Variants in CHD6 observed in about 807,000 individuals in gnomAD.
The protein encoded by CHD6 is chromodomain helicase DNA binding protein 6.
Under a neutral mutation model 276.9 loss-of-function variants are expected in CHD6, and 50 were observed. The observed-to-expected ratio is 0.18, with a 90% CI of 0.14 to 0.23. The LOEUF (loss-of-function observed/expected upper bound fraction) is 0.23, where lower values mean the gene tolerates loss of function less well. CHD6 is among the 10% of genes least tolerant of loss of function. The probability of loss-of-function intolerance (pLI) is 1.00; values close to 1 mark genes in which losing one functional copy is unlikely to be tolerated. For missense variants in CHD6, 2,564 were observed against 3,365.8 expected (o/e 0.76, Z 5.89); for synonymous variants, 1,173 against 1,229.3 (o/e 0.95, Z 0.96).
intron 36 of CHD6, 21 bp from the exon 37 acceptor site, chr20:41,405,510 A>G: frequency 6.5e-7 from 1 of 1,534,862 alleles, no homozygotes; most frequent in South Asian, 1.3e-5. Flanking sequence ...AAAGAAACAC[A>G]AAATGCTGAA....
In CHD6 at chr20:41,455,788, A is replaced by G. The variant is rs550179479; in HGVS notation, c.3009+12T>C. On this transcript the variant is annotated intron_variant, in intron 19 of 36. Coordinates refer to ENST00000373233, the MANE Select transcript of CHD6 (RefSeq NM_032221.5). ...TCCCACCCCCAACAGCTCTGGAGAGAAGGCCCTGTACCTTGGCAAAAGTGG... is the reference window on the plus strand; with the variant it reads ...TCCCACCCCCAACAGCTCTGGAGAGGAGGCCCTGTACCTTGGCAAAAGTGG... 13 of 1,512,276 alleles carry G rather than the reference A, an allele frequency of 8.6e-6. No individual in the cohort carries two copies. Among genetic ancestry groups the G allele is most frequent in the African/African-American group, 7.0e-5 (5 of 71,338 alleles). 93.7% of individuals were successfully genotyped at this position (1,512,276 alleles called of 1,614,324 possible).
chr20:41,432,462 C>T (rs184334382), intron 27 of CHD6, among the ~76,000 whole-genome samples: 2 of 152,130 alleles, frequency 1.3e-5, no homozygotes, highest in East Asian at 3.9e-4. Context: ...AATGAGGTTC[C>T]CCACCCCTAC....
chr20:41,493,880 G>A lies in CHD6; in HGVS notation c.1157C>T (p.Thr386Ile). 1 of 1,613,830 alleles carries A rather than the reference G, an allele frequency of 6.2e-7. No homozygotes were observed. ...EVDRILEVAH[T>I]KDAETGEEVT... ...CACCTCCCCTGTTTCTGCATCCTTG[G>A]TGTGGGCCACCTCCAAGATGCGATC... Residue 386 changes from threonine (T) to isoleucine (I), a missense_variant, in exon 9 of 37, where the codon ACC (threonine) becomes ATC (isoleucine). By Grantham distance (89) the Thr-to-Ile change is moderately conservative (BLOSUM62 -1). Around this residue, in one of 7 missense-constraint regions of CHD6, gnomAD observed 457 missense variants for 889.0 expected, o/e 0.51. Coordinates refer to ENST00000373233, the MANE Select transcript of CHD6 (RefSeq NM_032221.5).
chr20:41,535,730 G>T (rs1248708092), intron 2 of CHD6, among the ~76,000 whole-genome samples: 1 of 152,166 alleles, frequency 6.6e-6, no homozygotes, highest in Non-Finnish European at 1.5e-5. Context: ...GCCAGCAGTG[G>T]TGGTGCACAC....
intron 27 of CHD6, among the ~76,000 whole-genome samples, chr20:41,430,389 G>A (rs2047499172): frequency 6.6e-6 from 1 of 152,206 alleles, no homozygotes; most frequent in South Asian, 2.1e-4. Flanking sequence ...GCCCTCCAGT[G>A]TCCTCCTAAT....
rs78128176 is a variant in CHD6, at chr20:41,584,979, G to A, written c.-24+33361C>T. Among the ~76,000 whole-genome samples, 663 of 152,064 alleles carry A rather than the reference G, an allele frequency of 4.4e-3. 5 individuals are homozygous for A. The highest frequency in any genetic ancestry group is 0.015 in the African/African-American group (636 of 41,468). On this transcript the variant is annotated intron_variant, in intron 1 of 36. Transcript: ENST00000373233. ...GAAATTAAGAACAGAAAAATAAGTCGTGAAAAGGAAAGAAACCAAAGCGAG... is the reference window on the plus strand; with the variant it reads ...GAAATTAAGAACAGAAAAATAAGTCATGAAAAGGAAAGAAACCAAAGCGAG...
At chr20:41,456,011 T>C in intron 18 of CHD6, 32 bp from the exon 19 acceptor site, 1 of 1,476,268 alleles carries the variant, frequency 6.8e-7, no homozygotes, top group Non-Finnish European at 9.0e-7. Flanking sequence ...ACTCACAAAG[T>C]GGAAAATGTA....
At chr20:41,564,658 G>C (rs2045336517) in intron 1 of CHD6, among the ~76,000 whole-genome samples, 2 of 152,110 alleles carry the variant, frequency 1.3e-5, no homozygotes, top group East Asian at 3.8e-4. Context: ...TTTTCCGTGT[G>C]AAAAAAGTTA....
chr20:41,405,388 C>T lies in CHD6; in HGVS notation c.7353G>A (p.Leu2451=), dbSNP rs199637292. 8 of 1,614,178 alleles carry T rather than the reference C, an allele frequency of 5.0e-6. No homozygotes were observed. Among genetic ancestry groups the T allele is most frequent in the Non-Finnish European group, 6.8e-6 (8 of 1,180,006 alleles). The change falls in exon 37 of 37, where the codon CTG becomes CTA. Residue 2451 remains leucine (L), a synonymous_variant. Coordinates refer to ENST00000373233, the MANE Select transcript of CHD6 (RefSeq NM_032221.5). ...AGTCTGCCACAATGGAAGGAGCCTT[C>T]AGGAGTTCGCTCCGAGGCCGCCTCC... ...RRGRRPRSEL[L]KAPSIVADSP...
intron 3 of CHD6, among the ~76,000 whole-genome samples, chr20:41,525,939 C>G (rs891598073): frequency 3.3e-5 from 5 of 152,144 alleles, no homozygotes; most frequent in Non-Finnish European, 1.5e-5. Context: ...AAAAGTACCT[C>G]AATGACTAGT....
chr20:41,501,651 T>C (rs1462229602), intron 5 of CHD6, among the ~76,000 whole-genome samples: 2 of 152,208 alleles, frequency 1.3e-5, no homozygotes, highest in Non-Finnish European at 2.9e-5. Context: ...TCATTTATCT[T>C]GGATATATAA....
Position 41,403,779 on chromosome 20 carries a change from C to G in CHD6, c.*814G>C. ...AAGCGAACCAGGTGAGAGCAGAGCGCTAGCCGTGTGCTTGTGAAGCAGCGT... is the reference window on the plus strand; with the variant it reads ...AAGCGAACCAGGTGAGAGCAGAGCGGTAGCCGTGTGCTTGTGAAGCAGCGT... On this transcript the variant is annotated 3_prime_UTR_variant, in exon 37 of 37. Transcript: ENST00000373233. The G allele has an allele frequency of 1.4e-5, 15 of 1,058,734 alleles. No homozygotes were observed. The highest frequency in any genetic ancestry group is 1.7e-5 in the Non-Finnish European group (15 of 875,198). The allele number at this position is 1,058,734 out of a possible 1,614,324, so 65.6% of individuals were successfully genotyped here. A position where few individuals can be genotyped will look rare whatever the true frequency, so the allele number is the denominator to read the frequency against.
chr20:41,575,009 T>C (rs1434089556), intron 1 of CHD6, among the ~76,000 whole-genome samples: 2 of 152,246 alleles, frequency 1.3e-5, no homozygotes, highest in Non-Finnish European at 2.9e-5. Flanking sequence ...CTTTAGCCTC[T>C]GATTGGTTGC....
At chr20:41,491,962 T>G in intron 10 of CHD6, 143 bp from the exon 11 acceptor site, 1 of 827,732 alleles carries the variant, frequency 1.2e-6, no homozygotes, top group East Asian at 2.5e-5. Flanking sequence ...AACGTATAGG[T>G]TGGGGGAACT....
intron 17 of CHD6, among the ~76,000 whole-genome samples, chr20:41,466,446 A>G (rs80261422): frequency 1.2e-3 from 190 of 152,232 alleles, no homozygotes; most frequent in African/African-American, 4.3e-3. Flanking sequence ...TTAGTCATCT[A>G]TTGCTGAACA....
At chr20:41,417,145 T>A in intron 32 of CHD6, 53 bp downstream of exon 32, 1 of 1,532,358 alleles carries the variant, frequency 6.5e-7, no homozygotes, top group Non-Finnish European at 8.8e-7. Context: ...AAAAAGCAAT[T>A]CAAAGCTGGG....
In CHD6 at chr20:41,555,227, G is replaced by T. The variant is rs1443633842; in HGVS notation, c.-23-3867C>A. 3.3e-4 allele frequency among the ~76,000 whole-genome samples: 44 copies of T among 134,422 alleles called. 1 individual carries two copies. Among genetic ancestry groups the T allele is most frequent in the African/African-American group, 1.3e-3 (42 of 33,502 alleles). The allele number at this position is 134,422 out of a possible 152,430, so 88.2% of individuals were successfully genotyped here. On this transcript the variant is annotated intron_variant, in intron 1 of 36. Transcript: ENST00000373233. ...CCTCCCGGATGGGGCGGCTGGCCGGGTGGGGGGCTGACCCCCCCACCTCCC... is the reference window on the plus strand; with the variant it reads ...CCTCCCGGATGGGGCGGCTGGCCGGTTGGGGGGCTGACCCCCCCACCTCCC...
At chr20:41,456,732 C>T (rs2048387939) in intron 18 of CHD6, among the ~76,000 whole-genome samples, 1 of 152,188 alleles carries the variant, frequency 6.6e-6, no homozygotes, top group South Asian at 2.1e-4. Flanking sequence ...CTTTAAGATA[C>T]TTTAGGACAA....
chr20:41,572,041 A>T (rs2045422943), intron 1 of CHD6, among the ~76,000 whole-genome samples: 1 of 152,188 alleles, frequency 6.6e-6, no homozygotes, highest in Admixed American at 6.5e-5. Flanking sequence ...TCTTGTACTT[A>T]GCTATTATTT....
Sources: allele counts gnomAD v4.1 joint callset (sites outside exome capture counted in the v4.1 genomes callset), GRCh38; gene constraint gnomAD v4.1.1; regional missense constraint gnomAD v4.1.1; transcripts MANE v1.5; gene names NCBI Gene and HGNC (gene_info 2026-07-23, HGNC 2026-07-21).